Variants in TBX15 observed in about 807,000 individuals in gnomAD.
TBX15 encodes T-box transcription factor 15, also known as T-box transcription factor TBX15.
TBX15 carries 18 observed loss-of-function variants against 53.9 expected under a neutral mutation model. The observed-to-expected ratio is 0.33, with a 90% CI of 0.23 to 0.49. The LOEUF is 0.49. TBX15 is among the 20% of genes least tolerant of loss of function. The probability of loss-of-function intolerance (pLI) is 0.98; values close to 1 mark genes in which losing one functional copy is unlikely to be tolerated. For synonymous variants in TBX15, 295 were observed against 278.0 expected, an observed-to-expected ratio of 1.06 and a Z score of -0.61; for missense variants, 692 against 749.5, an observed-to-expected ratio of 0.92 and a Z score of 0.90.
chr1:118,957,213 T>A (rs1445409338), intron 1 of TBX15, among the ~76,000 whole-genome samples: 7 of 152,226 alleles, frequency 4.6e-5, no homozygotes. Flanking sequence ...AACACAACCA[T>A]GCACTTGACA....
chr1:118,942,113 C>T (rs1427639706), intron 1 of TBX15, among the ~76,000 whole-genome samples: 3 of 152,152 alleles, frequency 2.0e-5, no homozygotes, highest in Non-Finnish European at 2.9e-5. Flanking sequence ...AGAAATCTCT[C>T]CAAGTCCAGG....
At position 118,987,269 on chromosome 1, in the gene TBX15, G is replaced by T. The variant is rs763647955; in HGVS notation, c.205+322C>A. Among the ~76,000 whole-genome samples the T allele has an allele frequency of 4.6e-5, 7 of 152,126 alleles. 1 individual carries two copies. The South Asian group carries it at 1.0e-3, about 23-fold the overall frequency. ...GCTCCCGCCGTTGCCTTCGGCCCGC[G>T]CCCCTCCCAATCCCAGGGACCGGCA... On this transcript the variant is annotated intron_variant, in intron 1 of 7. Coordinates refer to ENST00000369429, the MANE Select transcript of TBX15 (RefSeq NM_001330677.2).
chr1:118,960,248 C>T (rs1203420845), intron 1 of TBX15, among the ~76,000 whole-genome samples: 1 of 152,180 alleles, frequency 6.6e-6, no homozygotes, highest in Non-Finnish European at 1.5e-5. Context: ...CTAAGTACAT[C>T]CGCTAGGCTT....
At chr1:118,984,995 CTA>C (rs987501156) in intron 1 of TBX15, among the ~76,000 whole-genome samples, 7 of 152,082 alleles carry the variant, frequency 4.6e-5, no homozygotes, top group Non-Finnish European at 1.0e-4. Flanking sequence ...AAATCTGACC[CTA>C]GAGTTGTCTA....
intron 1 of TBX15, among the ~76,000 whole-genome samples, chr1:118,980,663 T>C (rs1657616968): frequency 6.6e-6 from 1 of 152,244 alleles, no homozygotes; most frequent in Admixed American, 6.5e-5. Flanking sequence ...ACTTTCTACA[T>C]GGAAGAACAT....
intron 5 of TBX15, among the ~76,000 whole-genome samples, chr1:118,915,417 G>A (rs1655185300): frequency 6.6e-6 from 1 of 152,184 alleles, no homozygotes; most frequent in African/African-American, 2.4e-5. Context: ...GTGAGATTCT[G>A]ACAAACAGAC....
At chr1:118,979,610 C>G (rs554886208) in intron 1 of TBX15, among the ~76,000 whole-genome samples, 101 of 152,252 alleles carry the variant, frequency 6.6e-4, no homozygotes, top group Admixed American at 6.3e-3. Flanking sequence ...TCTGGTTTGT[C>G]GTTGGCGGGT....
intron 1 of TBX15, among the ~76,000 whole-genome samples, chr1:118,975,886 C>T (rs1657413786): frequency 6.6e-6 from 1 of 152,174 alleles, no homozygotes; most frequent in South Asian, 2.1e-4. Flanking sequence ...TGAGACCTGG[C>T]TTCCAGAAGG....
intron 7 of TBX15, among the ~76,000 whole-genome samples, chr1:118,889,592 G>A (rs1654068484): frequency 6.6e-6 from 1 of 152,170 alleles, no homozygotes; most frequent in Admixed American, 6.5e-5. Flanking sequence ...TAATGGATGA[G>A]TGTGTTCTAT....
rs1373999030 is a variant in TBX15 at position 118,923,451 on chromosome 1, G to A, written c.846C>T (p.Ala282=). The A allele has an allele frequency of 6.2e-7, 1 of 1,613,882 alleles. No individual in the cohort carries two copies. The highest frequency in any genetic ancestry group is 8.5e-7 in the Non-Finnish European group (1 of 1,179,884). The change falls in exon 5 of 8, where the codon GCC becomes GCT. Residue 282 remains alanine (A), a synonymous_variant. Transcript: ENST00000369429. ...FPETVFTTVT[A]YQNQQITRLK... ...CACCTCTTACCTGCTGATTCTGATA[G>A]GCCGTAACTGTGGTGAACACAGTCT...
At chr1:118,908,808 G>T (rs1364468551) in intron 6 of TBX15, among the ~76,000 whole-genome samples, 1 of 148,606 alleles carries the variant, frequency 6.7e-6, no homozygotes, top group Non-Finnish European at 1.5e-5. Context: ...ACTTATACTT[G>T]CACACACACA....
chr1:118,900,661 A>G (rs1654598518), intron 6 of TBX15, among the ~76,000 whole-genome samples: 1 of 152,200 alleles, frequency 6.6e-6, no homozygotes, highest in Non-Finnish European at 1.5e-5. Context: ...TAGGAATAGG[A>G]GACATCTCCA....
intron 2 of TBX15, among the ~76,000 whole-genome samples, chr1:118,930,604 C>T (rs937722344): frequency 1.3e-5 from 2 of 152,174 alleles, no homozygotes; most frequent in Non-Finnish European, 2.9e-5. Flanking sequence ...TTAAAAGAGA[C>T]AGGGTTTTGC....
At chr1:118,910,797 A>G (rs1655003628) in intron 6 of TBX15, among the ~76,000 whole-genome samples, 1 of 152,262 alleles carries the variant, frequency 6.6e-6, no homozygotes, top group Admixed American at 6.5e-5. Context: ...CATGACTTCA[A>G]TGTCATTATA....
At chr1:118,895,495 G>A (rs1288615067) in intron 7 of TBX15, among the ~76,000 whole-genome samples, 2 of 152,130 alleles carry the variant, frequency 1.3e-5, no homozygotes, top group Non-Finnish European at 2.9e-5. Context: ...ACAACAACAG[G>A]ATTGCATTGT....
intron 1 of TBX15, among the ~76,000 whole-genome samples, chr1:118,965,818 T>C (rs1245820899): frequency 6.6e-6 from 1 of 152,350 alleles, no homozygotes; most frequent in East Asian, 1.9e-4. Flanking sequence ...TTATAAAGTC[T>C]AAAGTACTAT....
chr1:118,900,485 T>TGG (rs1654590829), intron 6 of TBX15, among the ~76,000 whole-genome samples: 1 of 152,210 alleles, frequency 6.6e-6, no homozygotes, highest in Non-Finnish European at 1.5e-5. Flanking sequence ...TTGGAAAATT[T>TGG]CCTCTCTGAA....
chr1:118,987,314 C>T (rs955650180), intron 1 of TBX15, among the ~76,000 whole-genome samples: 4 of 152,208 alleles, frequency 2.6e-5, no homozygotes, highest in Non-Finnish European at 5.9e-5. Context: ...CCACGGACAC[C>T]CAGAAAGCTG....
intron 1 of TBX15, among the ~76,000 whole-genome samples, chr1:118,954,361 A>T (rs1488157306): frequency 6.6e-6 from 1 of 152,226 alleles, no homozygotes; most frequent in Non-Finnish European, 1.5e-5. Flanking sequence ...AGGCAGTTCT[A>T]AAAGCACCAG....
Sources: allele counts gnomAD v4.1 joint callset (sites outside exome capture counted in the v4.1 genomes callset), GRCh38; gene constraint gnomAD v4.1.1; transcripts MANE v1.5; gene names NCBI Gene and HGNC (gene_info 2026-07-23, HGNC 2026-07-21).